The following CSMD1 variants were observed in gnomAD, a reference collection of about 807,000 sequenced individuals.
CSMD1 encodes the protein CUB and Sushi multiple domains 1.
A neutral mutation model predicts 417.5 loss-of-function variants in CSMD1; 213 were observed. That is an observed-to-expected ratio of 0.51 (90% CI 0.46 to 0.57). CSMD1 has a LOEUF of 0.57. Among genes scored for constraint, CSMD1 ranks in the 20% least tolerant of loss-of-function variants. The pLI, the probability that CSMD1 is intolerant of heterozygous loss-of-function variation, is 0.00. For synonymous variants in CSMD1, 2,862 were observed against 1,736.8 expected, an observed-to-expected ratio of 1.65 and a Z score of -16.11; for missense variants, 6,923 against 4,529.7, an observed-to-expected ratio of 1.53 and a Z score of -15.17.
intron 3 of CSMD1, among the ~76,000 whole-genome samples, chr8:4,114,808 C>T (rs751717298): frequency 2.6e-5 from 4 of 152,094 alleles, no homozygotes; most frequent in Non-Finnish European, 4.4e-5. Context: ...GTAGAAATAG[C>T]GAGAGGTAAA....
At position 3,179,802 on chromosome 8, in the gene CSMD1, C is replaced by G. The variant is rs553723454; in HGVS notation, c.5725+1308G>C. Among the ~76,000 whole-genome samples the G allele has an allele frequency of 3.9e-5, 6 of 152,300 alleles. No individual in the cohort carries two copies. In the South Asian group the frequency reaches 1.2e-3, roughly 32 times the overall value. ...AAAGTAGCAGATTTTCCAGACACAT[C>G]CTACATAAGTAACATCCACAGTATC... On this transcript the variant is annotated intron_variant, in intron 37 of 69. Transcript: ENST00000635120.
intron 5 of CSMD1, among the ~76,000 whole-genome samples, chr8:3,759,971 G>A (rs554096568): frequency 4.7e-5 from 7 of 150,476 alleles, no homozygotes; most frequent in South Asian, 2.1e-4. Context: ...ATGTCTTCCC[G>A]CATTAATTCA....
At position 3,723,638 on chromosome 8, in the gene CSMD1, T is replaced by C. The variant is rs1802313774; in HGVS notation, c.932-15147A>G. 2.1e-5 allele frequency among the ~76,000 whole-genome samples: 3 copies of C among 144,012 alleles called. No homozygotes were observed. The South Asian group carries it at 7.4e-4, about 36-fold the overall frequency. The allele number at this position is 144,012 out of a possible 152,430, so 94.5% of individuals were successfully genotyped here. A position where few individuals can be genotyped will look rare whatever the true frequency, so the allele number is the denominator to read the frequency against. ...AAATATTAGAATTTTAGACAAGTAG[T>C]GTCTGTCTTTGTAACTTCCCAAAAC... On this transcript the variant is annotated intron_variant, in intron 6 of 69. Coordinates refer to ENST00000635120, the MANE Select transcript of CSMD1 (RefSeq NM_033225.6).
chr8:4,038,981 A>T (rs1320195628), intron 3 of CSMD1, among the ~76,000 whole-genome samples: 1 of 152,216 alleles, frequency 6.6e-6, no homozygotes, highest in Non-Finnish European at 1.5e-5. Context: ...TCAAACCTTT[A>T]ACCCAGCTGT....
At chr8:3,595,273 G>A (rs1209800145) in intron 8 of CSMD1, among the ~76,000 whole-genome samples, 1 of 152,170 alleles carries the variant, frequency 6.6e-6, no homozygotes, top group Admixed American at 6.6e-5. Context: ...GTCCCATTGT[G>A]TGACTTGCTC....
At chr8:4,643,486 T>C (rs1403836087) in intron 1 of CSMD1, among the ~76,000 whole-genome samples, 2 of 152,160 alleles carry the variant, frequency 1.3e-5, no homozygotes, top group African/African-American at 4.8e-5. Context: ...CTACTGGACG[T>C]AGCTATCAAG....
At position 3,892,638 on chromosome 8, in the gene CSMD1, C is replaced by T. The variant is rs76388919; in HGVS notation, c.818+105265G>A. On this transcript the variant is annotated intron_variant, in intron 5 of 69. Transcript: ENST00000635120. The stretch of plus-strand genomic sequence containing the variant: ...ACTCTGGTGCACGTCAGTACTGTTG[C>T]TTGGCACGTCGTGGGATTTTTGGAG... Among the ~76,000 whole-genome samples the T allele has an allele frequency of 5.6e-3, 849 of 151,338 alleles. 8 individuals are homozygous for T. Among genetic ancestry groups the T allele is most frequent in the Non-Finnish European group, 9.7e-3 (659 of 67,914 alleles).
chr8:4,330,107 G>A (rs111970225), intron 3 of CSMD1, among the ~76,000 whole-genome samples: 1 of 151,562 alleles, frequency 6.6e-6, no homozygotes, highest in Non-Finnish European at 1.5e-5. Flanking sequence ...GTCCAATATA[G>A]TCAGCATTTG....
At chr8:4,667,617 G>A (rs1428113007) in intron 1 of CSMD1, among the ~76,000 whole-genome samples, 2 of 151,898 alleles carry the variant, frequency 1.3e-5, no homozygotes, top group South Asian at 2.1e-4. Flanking sequence ...GTATTGGAAC[G>A]CTATTGCATA....
At chr8:4,726,798 A>C (rs1809489510) in intron 1 of CSMD1, among the ~76,000 whole-genome samples, 1 of 152,224 alleles carries the variant, frequency 6.6e-6, no homozygotes, top group Admixed American at 6.5e-5. Flanking sequence ...AATTGCAATA[A>C]CACAACAATT....
intron 25 of CSMD1, among the ~76,000 whole-genome samples, chr8:3,291,723 C>G (rs1202365384): frequency 1.3e-5 from 2 of 151,948 alleles, no homozygotes; most frequent in African/African-American, 4.8e-5. Flanking sequence ...CTCTTTTCTT[C>G]TTTATTTGTC....
chr8:4,686,476 C>A (rs1806394157), intron 1 of CSMD1, among the ~76,000 whole-genome samples: 1 of 152,166 alleles, frequency 6.6e-6, no homozygotes, highest in Non-Finnish European at 1.5e-5. Flanking sequence ...CTCCCCATAC[C>A]TAGAGAAAAG....
At chr8:4,096,869 G>A (rs1801040158) in intron 3 of CSMD1, among the ~76,000 whole-genome samples, 1 of 152,144 alleles carries the variant, frequency 6.6e-6, no homozygotes, top group Non-Finnish European at 1.5e-5. Context: ...TTCCTGCAAA[G>A]CCATCTTGCA....
At chr8:4,036,253 G>T (rs559350456) in intron 3 of CSMD1, among the ~76,000 whole-genome samples, 2 of 152,170 alleles carry the variant, frequency 1.3e-5, no homozygotes, top group African/African-American at 4.8e-5. Flanking sequence ...AGTCATGCAT[G>T]ACTGCATGTA....
intron 36 of CSMD1, among the ~76,000 whole-genome samples, chr8:3,187,018 T>G (rs941264174): frequency 6.6e-6 from 1 of 152,172 alleles, no homozygotes; most frequent in Non-Finnish European, 1.5e-5. Context: ...ATGCCGGGCT[T>G]ACAGGCATGA....
In CSMD1 at chr8:4,880,843, G is replaced by T. The variant is rs569276121; in HGVS notation, c.85+113489C>A. Among the ~76,000 whole-genome samples the T allele has an allele frequency of 5.3e-5, 8 of 152,080 alleles. No individual in the cohort carries two copies. In the East Asian group the frequency reaches 1.2e-3, roughly 22 times the overall value. On this transcript the variant is annotated intron_variant, in intron 1 of 69. Coordinates refer to ENST00000635120, the MANE Select transcript of CSMD1 (RefSeq NM_033225.6). ...TTTGTTGTCATTCTTGTCATGAAAGGTCCCTGATCTAAGCTATTTAGTATT... is the reference window on the plus strand; with the variant it reads ...TTTGTTGTCATTCTTGTCATGAAAGTTCCCTGATCTAAGCTATTTAGTATT...
chr8:4,445,540 C>T (rs1190066634), intron 2 of CSMD1, among the ~76,000 whole-genome samples: 2 of 152,074 alleles, frequency 1.3e-5, no homozygotes, highest in Admixed American at 6.6e-5. Flanking sequence ...ATTTGGGTAG[C>T]TTGTGTGATA....
At chr8:4,284,968 A>ACCTCG (rs1274208192) in intron 3 of CSMD1, among the ~76,000 whole-genome samples, 1 of 152,040 alleles carries the variant, frequency 6.6e-6, no homozygotes, top group African/African-American at 2.4e-5. Flanking sequence ...ACCTCACCTC[A>ACCTCG]CCTCGCCTCA....
chr8:4,737,471 C>G (rs1810316534), intron 1 of CSMD1, among the ~76,000 whole-genome samples: 1 of 152,044 alleles, frequency 6.6e-6, no homozygotes. Flanking sequence ...CAAACCTGCA[C>G]CTGTACCCCT....
Sources: gnomAD v4.1 joint callset for allele counts (sites outside exome capture counted in the v4.1 genomes callset) on GRCh38, gnomAD v4.1.1 for gene constraint, MANE v1.5 for transcripts, NCBI Gene and HGNC (gene_info 2026-07-23, HGNC 2026-07-21) for gene names.